LRRC27: variants seen among roughly 807,000 people sequenced by gnomAD.
The protein encoded by LRRC27 is leucine rich repeat containing 27, also known as leucine-rich repeat-containing protein 27.
In LRRC27, 57 loss-of-function variants were observed where a neutral mutation model predicts 55.0. The observed-to-expected ratio is 1.04, with a 90% CI of 0.84 to 1.29. The LOEUF (loss-of-function observed/expected upper bound fraction) is 1.29, where lower values mean the gene tolerates loss of function less well. LRRC27 is among the 50% of genes most tolerant of loss of function. LRRC27 has a pLI of 0.00. For synonymous variants in LRRC27, 278 were observed against 251.9 expected (o/e 1.10, Z -0.98); for missense variants, 721 against 651.5 (o/e 1.11, Z -1.16).
chr10:132,336,405 C>T (rs1410904855), intron 2 of LRRC27, among the ~76,000 whole-genome samples: 6 of 152,214 alleles, frequency 3.9e-5, no homozygotes, highest in East Asian at 1.9e-4. Context: ...AGCAGTGACT[C>T]GGGCAATTTC....
intron 6 of LRRC27, among the ~76,000 whole-genome samples, chr10:132,349,570 C>G (rs1309603497): frequency 6.6e-6 from 1 of 152,224 alleles, no homozygotes; most frequent in Non-Finnish European, 1.5e-5. Context: ...TTAGAAACCT[C>G]TTTTCTTCCC....
Position 132,372,283 on chromosome 10 carries a change from G to T in LRRC27, c.1417-2783G>T, listed in dbSNP as rs2069237712. Among the ~76,000 whole-genome samples the T allele has an allele frequency of 6.6e-6, 1 of 151,586 alleles. No individual in the cohort carries two copies. Among genetic ancestry groups the T allele is most frequent in the South Asian group, 2.1e-4 (1 of 4,822 alleles). On this transcript the variant is annotated intron_variant, in intron 10 of 10. Coordinates refer to ENST00000368614, the MANE Select transcript of LRRC27 (RefSeq NM_030626.3). This position sits in a 1 kb window ranked among gnomAD's most constrained non-coding sequence, Gnocchi z 4.0. Reference sequence around the variant, plus strand: ...CCAACCACAGAAGGATGGGAAGTGGGGGTCGGGGTGCGGTGACTCACGCCT... The same window carrying T: ...CCAACCACAGAAGGATGGGAAGTGGTGGTCGGGGTGCGGTGACTCACGCCT...
Position 132,348,078 on chromosome 10 carries a change from C to A in LRRC27, c.648C>A (p.Asn216Lys). ...ACGCGTCTAACCAAGGAGCTGTGAA[C>A]GCTCAGGACCCAGAGGGGGCTGTGA... Reference protein sequence around the residue: ...GDHASNQGAVNAQDPEGAVMK... With the variant: ...GDHASNQGAVKAQDPEGAVMK... Residue 216 changes from asparagine to lysine, a missense_variant, in exon 6 of 11, where the codon AAC (asparagine) becomes AAA (lysine). Coordinates refer to ENST00000368614, the MANE Select transcript of LRRC27 (RefSeq NM_030626.3). This position sits in a 1 kb window ranked among gnomAD's most constrained non-coding sequence, Gnocchi z 4.2. The A allele has an allele frequency of 6.2e-7, 1 of 1,614,112 alleles. No individual in the cohort carries two copies. Among genetic ancestry groups the A allele is most frequent in the South Asian group, 1.1e-5 (1 of 91,086 alleles).
At position 132,376,339 on chromosome 10, in the gene LRRC27, A is replaced by G. The variant is rs1431146027; in HGVS notation, c.*1097A>G. 1 of 152,200 alleles carries G rather than the reference A, an allele frequency of 6.6e-6. No homozygotes were observed. The highest frequency in any genetic ancestry group is 1.5e-5 in the Non-Finnish European group (1 of 68,034). The allele number at this position is 152,200 out of a possible 1,614,324, so 9.4% of individuals were successfully genotyped here. The stretch of plus-strand genomic sequence containing the variant: ...CCGAGAGTTTAACTGGTGCTTAGAG[A>G]GAAATGCATCACTTCCAAACCCATG... On this transcript the variant is annotated 3_prime_UTR_variant, in exon 11 of 11. Coordinates refer to ENST00000368614, the MANE Select transcript of LRRC27 (RefSeq NM_030626.3).
rs114707935 is a variant in LRRC27 at position 132,365,480 on chromosome 10, G to A, written c.1346G>A (p.Arg449His). ...EKIKQHVLQM[R>H]EQRRFHGQAP... ...ATAAAACAGCACGTCCTCCAAATGC[G>A]TGAGCAAAGAAGATTCCATGGCCAG... The change falls in exon 10 of 11, where the codon CGT (arginine) becomes CAT (histidine). Residue 449 changes from arginine (R) to histidine (H), a missense_variant. Arg to His is a conservative substitution (Grantham distance 29). Transcript: ENST00000368614. The A allele has an allele frequency of 4.4e-4, 706 of 1,613,712 alleles. 4 individuals are homozygous for A. In the African/African-American group the frequency reaches 6.6e-3, roughly 15 times the overall value.
intron 2 of LRRC27, among the ~76,000 whole-genome samples, chr10:132,334,226 G>A (rs529460185): frequency 6.6e-6 from 1 of 152,354 alleles, no homozygotes; most frequent in African/African-American, 2.4e-5. Flanking sequence ...CAGGTTTGAT[G>A]TTAGACAGTT....
intron 3 of LRRC27, 137 bp downstream of exon 3, chr10:132,337,832 CTA>C: frequency 9.5e-7 from 1 of 1,055,494 alleles, no homozygotes; most frequent in Non-Finnish European, 1.3e-6. Flanking sequence ...TTAAAGCCAG[CTA>C]AGAGGTTGCG....
rs1001735447 is a variant in LRRC27, at chr10:132,372,203, C to T, written c.1417-2863C>T. 6.7e-6 allele frequency among the ~76,000 whole-genome samples: 1 copy of T among 149,664 alleles called. No homozygotes were observed. Among genetic ancestry groups the T allele is most frequent in the Non-Finnish European group, 1.5e-5 (1 of 67,818 alleles). ...CCACAGAAGGATGGGAAGTGGGGGT[C>T]GGGGTGCGGTGGCTCACGCCTGCAA... is the stretch of plus-strand genomic sequence containing the variant. On this transcript the variant is annotated intron_variant, in intron 10 of 10. Transcript: ENST00000368614. This position sits in a 1 kb window ranked among gnomAD's most constrained non-coding sequence, Gnocchi z 4.0.
chr10:132,330,643 AACTACAGGTGTGTGCCACCAC>A (rs1236963732), upstream of LRRC27, among the ~76,000 whole-genome samples: 7 of 150,772 alleles, frequency 4.6e-5, no homozygotes, highest in Non-Finnish European at 8.9e-5. Flanking sequence ...ACACAGCTGG[AACTACAGGTGTGTGCCACCAC>A]ACCCAGCATT....
intron 2 of LRRC27, chr10:132,337,320 T>G: frequency 1.5e-6 from 2 of 1,311,690 alleles, no homozygotes; most frequent in Non-Finnish European, 1.9e-6. Context: ...AGCAGCAGAG[T>G]GCCGGCTCTT....
intron 4 of LRRC27, among the ~76,000 whole-genome samples, chr10:132,344,049 T>A (rs1274605329): frequency 6.6e-6 from 1 of 152,266 alleles, no homozygotes; most frequent in Non-Finnish European, 1.5e-5. Flanking sequence ...TGCTTGAACA[T>A]ATTTAAATGG....
At chr10:132,335,578 G>A (rs973793899) in intron 2 of LRRC27, among the ~76,000 whole-genome samples, 1 of 146,274 alleles carries the variant, frequency 6.8e-6, no homozygotes, top group Non-Finnish European at 1.5e-5. Context: ...AGTACTATGG[G>A]GGGGGTCACA....
rs371634307 is a variant in LRRC27 at position 132,364,426 on chromosome 10, C to T, written c.1290-998C>T. ...CTACCTCCACACCCGCGCTTACACC[C>T]ACGCTTACATCTACCTCCACACCCA... On this transcript the variant is annotated intron_variant, in intron 9 of 10. Transcript: ENST00000368614. Among the ~76,000 whole-genome samples, 24 of 144,800 alleles carry T rather than the reference C, an allele frequency of 1.7e-4. 1 individual carries two copies. The highest frequency in any genetic ancestry group is 2.2e-4 in the Non-Finnish European group (14 of 63,832). 95.0% of individuals were successfully genotyped at this position (144,800 alleles called of 152,430 possible).
intron 3 of LRRC27, among the ~76,000 whole-genome samples, chr10:132,338,503 T>C (rs746679817): frequency 2.1e-4 from 32 of 152,094 alleles, no homozygotes; most frequent in Non-Finnish European, 4.3e-4. Context: ...TTCCCACTTG[T>C]GGGGTGTAAT....
chr10:132,352,973 C>T, intron 7 of LRRC27: 2 of 1,613,736 alleles, frequency 1.2e-6, no homozygotes, highest in South Asian at 1.1e-5. Context: ...GCCGCCAGTG[C>T]CACCACCTTG....
At position 132,379,816 on chromosome 10, in the gene LRRC27, C is replaced by A. The variant is rs1471527273; in HGVS notation, c.*4574C>A. On this transcript the variant is annotated 3_prime_UTR_variant, in exon 11 of 11. Coordinates refer to ENST00000368614, the MANE Select transcript of LRRC27 (RefSeq NM_030626.3). ...CAAGAGTTTGAATTATAAGGGTCCA[C>A]TTATAAGTGGATTTTTAAAAAAATA... is the stretch of plus-strand genomic sequence containing the variant. 5 of 151,904 alleles carry A rather than the reference C, an allele frequency of 3.3e-5. No homozygotes were observed. Among genetic ancestry groups the A allele is most frequent in the African/African-American group, 9.7e-5 (4 of 41,320 alleles). 9.4% of individuals were successfully genotyped at this position (151,904 alleles called of 1,614,324 possible).
intron 3 of LRRC27, among the ~76,000 whole-genome samples, chr10:132,341,670 C>G (rs959683949): frequency 4.6e-5 from 7 of 152,118 alleles, no homozygotes; most frequent in Non-Finnish European, 1.0e-4. Flanking sequence ...AATCATTCAT[C>G]TCCAAGCAGG....
At position 132,374,021 on chromosome 10, in the gene LRRC27, C is replaced by A. The variant is rs948197389; in HGVS notation, c.1417-1045C>A. ...GCAGAGCTGAGCCGTGAGTGCTGCT[C>A]TAGCCCACAGTTACGATATGGGGGC... On this transcript the variant is annotated intron_variant, in intron 10 of 10. Transcript: ENST00000368614. This position sits in a 1 kb window ranked among gnomAD's most constrained non-coding sequence, Gnocchi z 4.4. Among the ~76,000 whole-genome samples the A allele has an allele frequency of 2.6e-5, 4 of 152,166 alleles. 1 individual carries two copies.
rs2069347527 is a variant in LRRC27, at chr10:132,377,126, C to T, written c.*1884C>T. ...GGTCAGCGTTTTCATAATGCATCTT[C>T]TTCCCTCCTTCTACTGTACTGGATT... On this transcript the variant is annotated 3_prime_UTR_variant, in exon 11 of 11. Coordinates refer to ENST00000368614, the MANE Select transcript of LRRC27 (RefSeq NM_030626.3). The T allele has an allele frequency of 6.6e-6, 1 of 152,094 alleles. No individual in the cohort carries two copies. 9.4% of individuals were successfully genotyped at this position (152,094 alleles called of 1,614,324 possible).
Sources: allele counts gnomAD v4.1 joint callset (sites outside exome capture counted in the v4.1 genomes callset), GRCh38; gene constraint gnomAD v4.1.1; non-coding constraint Gnocchi (gnomAD v3.1); transcripts MANE v1.5; gene names NCBI Gene and HGNC (gene_info 2026-07-23, HGNC 2026-07-21).